LRP1B: variants seen among roughly 807,000 people sequenced by gnomAD.
LRP1B encodes low-density lipoprotein receptor-related protein 1B.
In LRP1B, 217 loss-of-function variants were observed where a neutral mutation model predicts 556.6. The observed-to-expected ratio is 0.39, with a 90% CI of 0.35 to 0.44. LRP1B has a LOEUF of 0.44. LRP1B is among the 20% of genes least tolerant of loss of function. The pLI is 1.00. For missense variants in LRP1B, 5,053 were observed against 5,620.8 expected, an observed-to-expected ratio of 0.90 and a Z score of 3.23; for synonymous variants, 2,047 against 1,865.8, an observed-to-expected ratio of 1.10 and a Z score of -2.50.
chr2:140,442,648 A>C, intron 65 of LRP1B, 25 bp from the exon 66 acceptor site: 1 of 1,611,236 alleles, frequency 6.2e-7, no homozygotes, highest in Non-Finnish European at 8.5e-7. Flanking sequence ...TGCCATTAAA[A>C]TGTAGCTTTG....
chr2:141,327,501 G>C (rs1687468930), intron 3 of LRP1B, among the ~76,000 whole-genome samples: 1 of 152,010 alleles, frequency 6.6e-6, no homozygotes, highest in Admixed American at 6.6e-5. Flanking sequence ...AAGAACACAG[G>C]AATAGTTAGA....
At chr2:141,599,075 G>A (rs201832104) in intron 2 of LRP1B, among the ~76,000 whole-genome samples, 19 of 53,718 alleles carry the variant, frequency 3.5e-4, no homozygotes, top group Non-Finnish European at 5.0e-4. Flanking sequence ...CCCCCCCCCC[G>A]CTTTAACTCT....
chr2:141,442,619 C>T (rs1681024896), intron 3 of LRP1B, among the ~76,000 whole-genome samples: 1 of 151,988 alleles, frequency 6.6e-6, no homozygotes, highest in African/African-American at 2.4e-5. Context: ...GTGATGTTCC[C>T]CTCCCTGTGT....
At chr2:141,024,821 G>T (rs1698173108) in intron 11 of LRP1B, among the ~76,000 whole-genome samples, 1 of 152,012 alleles carries the variant, frequency 6.6e-6, no homozygotes, top group African/African-American at 2.4e-5. Context: ...GAGCAACTGG[G>T]AGGGGTCCAT....
At chr2:141,931,544 A>T (rs1700505451) in intron 1 of LRP1B, among the ~76,000 whole-genome samples, 1 of 151,956 alleles carries the variant, frequency 6.6e-6, no homozygotes, top group East Asian at 1.9e-4. Flanking sequence ...TTAAATAAAA[A>T]TTTTTCTAAA....
At chr2:141,624,382 A>C (rs1688629514) in intron 2 of LRP1B, among the ~76,000 whole-genome samples, 1 of 152,238 alleles carries the variant, frequency 6.6e-6, no homozygotes, top group Non-Finnish European at 1.5e-5. Context: ...TAAAAGTATC[A>C]ACAGCTAGTT....
intron 76 of LRP1B, among the ~76,000 whole-genome samples, chr2:140,351,836 T>C (rs544156795): frequency 6.6e-6 from 1 of 152,282 alleles, no homozygotes; most frequent in East Asian, 1.9e-4. Flanking sequence ...GCTTATTATG[T>C]GTCAGACGCT....
chr2:141,816,655 T>C (rs915571998), intron 1 of LRP1B, among the ~76,000 whole-genome samples: 7 of 152,176 alleles, frequency 4.6e-5, no homozygotes, highest in African/African-American at 1.2e-4. Flanking sequence ...TCAAATCTCC[T>C]AATAAACTCC....
intron 79 of LRP1B, among the ~76,000 whole-genome samples, chr2:140,331,701 A>C (rs1680823862): frequency 6.8e-6 from 1 of 147,814 alleles, no homozygotes; most frequent in Non-Finnish European, 1.5e-5. Flanking sequence ...ATATATATAT[A>C]TATATAATTT....
chr2:141,233,166 G>C (rs1158500084), intron 5 of LRP1B, among the ~76,000 whole-genome samples: 1 of 152,158 alleles, frequency 6.6e-6, no homozygotes, highest in Non-Finnish European at 1.5e-5. Context: ...TTCAGTCAAA[G>C]GGATACCTGT....
At position 140,733,223 on chromosome 2, in the gene LRP1B, T is replaced by G. The variant is rs535084182; in HGVS notation, c.5759-16407A>C. Among the ~76,000 whole-genome samples the G allele has an allele frequency of 3.3e-5, 5 of 152,266 alleles. No individual in the cohort carries two copies. In the East Asian group the frequency reaches 9.7e-4, roughly 29 times the overall value. On this transcript the variant is annotated intron_variant, in intron 35 of 90. Transcript: ENST00000389484. Reference sequence around the variant, plus strand: ...CTCCAACTTAAATTTAGTCAATGTATAGTACGAATAACCCTTTCCTTAAAA... The same window carrying G: ...CTCCAACTTAAATTTAGTCAATGTAGAGTACGAATAACCCTTTCCTTAAAA...
intron 1 of LRP1B, among the ~76,000 whole-genome samples, chr2:142,038,934 CCTTGCTCATGTTTTT>C (rs952411989): frequency 2.1e-4 from 32 of 151,540 alleles, no homozygotes; most frequent in Non-Finnish European, 4.3e-4. Flanking sequence ...ATTGTATTTT[CCTTGCTCATGTTTTT>C]CTTGCTCAAG....
chr2:142,084,307 C>T lies in LRP1B; in HGVS notation c.82+46341G>A, dbSNP rs946537113. ...TCACTCTTCTTTTTCATGATTCACGCTGCCCTGTTTCCCCTCTATCCTCTC... is the reference window on the plus strand; with the variant it reads ...TCACTCTTCTTTTTCATGATTCACGTTGCCCTGTTTCCCCTCTATCCTCTC... On this transcript the variant is annotated intron_variant, in intron 1 of 90. Transcript: ENST00000389484. Among the ~76,000 whole-genome samples, 13 of 152,090 alleles carry T rather than the reference C, an allele frequency of 8.5e-5. 1 individual carries two copies. The highest frequency in any genetic ancestry group is 1.9e-4 in the Non-Finnish European group (13 of 68,002).
intron 2 of LRP1B, among the ~76,000 whole-genome samples, chr2:141,649,893 G>A (rs1410971341): frequency 6.6e-6 from 1 of 152,176 alleles, no homozygotes; most frequent in Non-Finnish European, 1.5e-5. Flanking sequence ...TTAAAAACCA[G>A]TTGGGGCCAG....
At chr2:141,520,322 T>C (rs574862514) in intron 2 of LRP1B, among the ~76,000 whole-genome samples, 1 of 152,302 alleles carries the variant, frequency 6.6e-6, no homozygotes, top group Non-Finnish European at 1.5e-5. Context: ...CAGAGCATCC[T>C]TATCAAAACC....
intron 40 of LRP1B, among the ~76,000 whole-genome samples, chr2:140,700,877 T>G (rs1686613390): frequency 1.3e-5 from 2 of 152,156 alleles, no homozygotes. Flanking sequence ...AATTTTTCCC[T>G]TAATGAACCA....
At chr2:142,054,445 C>T (rs772008612) in intron 1 of LRP1B, among the ~76,000 whole-genome samples, 1 of 152,018 alleles carries the variant, frequency 6.6e-6, no homozygotes, top group Non-Finnish European at 1.5e-5. Flanking sequence ...TTACGTACTA[C>T]CCCTGATCCT....
At chr2:142,116,399 G>A (rs184411668) in intron 1 of LRP1B, among the ~76,000 whole-genome samples, 53 of 152,012 alleles carry the variant, frequency 3.5e-4, no homozygotes, top group African/African-American at 1.2e-3. Context: ...AGTTACTAAA[G>A]AACTGACCAG....
intron 11 of LRP1B, among the ~76,000 whole-genome samples, chr2:141,048,098 T>G (rs1032577912): frequency 3.3e-5 from 5 of 152,146 alleles, no homozygotes; most frequent in African/African-American, 1.2e-4. Context: ...AGTCATTCCC[T>G]AAAATTCCTT....
Sources: allele counts gnomAD v4.1 joint callset (sites outside exome capture counted in the v4.1 genomes callset), GRCh38; gene constraint gnomAD v4.1.1; transcripts MANE v1.5; gene names NCBI Gene and HGNC (gene_info 2026-07-23, HGNC 2026-07-21).